Variants in SPPL2B observed in about 807,000 individuals in gnomAD.
SPPL2B encodes the protein signal peptide peptidase-like 2B.
In SPPL2B, 39 loss-of-function variants were observed where a neutral mutation model predicts 59.7. The ratio of observed to expected loss-of-function variants is 0.65; its 90% CI spans 0.51 to 0.85. The LOEUF (loss-of-function observed/expected upper bound fraction) is 0.85. Among genes scored for constraint, SPPL2B ranks in the 40% least tolerant of loss-of-function variants. SPPL2B has a pLI of 0.00. For missense variants in SPPL2B, 865 were observed against 849.0 expected, an observed-to-expected ratio of 1.02 and a Z score of -0.23; for synonymous variants, 419 against 370.8, an observed-to-expected ratio of 1.13 and a Z score of -1.49.
intron 13 of SPPL2B, among the ~76,000 whole-genome samples, chr19:2,347,271 C>T (rs576732217): frequency 1.0e-3 from 137 of 130,586 alleles, no homozygotes; most frequent in Non-Finnish European, 1.7e-3. Context: ...CACACACACT[C>T]ACGCACTCTC....
chr19:2,329,384 G>T (rs1968162934), intron 1 of SPPL2B, among the ~76,000 whole-genome samples: 1 of 152,228 alleles, frequency 6.6e-6, no homozygotes. Context: ...GATTCTGGAG[G>T]TTCTGTCCAG....
intron 14 of SPPL2B, 37 bp downstream of exon 14, chr19:2,351,631 G>A (rs371121810): frequency 1.6e-4 from 257 of 1,581,508 alleles, no homozygotes; most frequent in Non-Finnish European, 1.9e-4. Flanking sequence ...AGAAATACTC[G>A]CCTAGTGAGC....
intron 2 of SPPL2B, among the ~76,000 whole-genome samples, chr19:2,334,960 G>T (rs977246849): frequency 1.3e-5 from 2 of 152,078 alleles, no homozygotes; most frequent in Non-Finnish European, 2.9e-5. Flanking sequence ...AGCTCCATGT[G>T]GTAGATAAGG....
chr19:2,347,286 G>A (rs1263378887), intron 13 of SPPL2B, among the ~76,000 whole-genome samples: 2 of 113,650 alleles, frequency 1.8e-5, no homozygotes, highest in African/African-American at 3.5e-5. Context: ...ACTCTCATTC[G>A]CCTGATTCCG....
intron 1 of SPPL2B, among the ~76,000 whole-genome samples, chr19:2,331,186 T>C (rs909449976): frequency 6.6e-6 from 1 of 151,670 alleles, no homozygotes; most frequent in Non-Finnish European, 1.5e-5. Context: ...CCGGCCCGGC[T>C]CCTGGAACTC....
intron 4 of SPPL2B, 75 bp from the exon 5 acceptor site, chr19:2,338,994 C>T: frequency 6.6e-7 from 1 of 1,514,518 alleles, no homozygotes; most frequent in Non-Finnish European, 8.9e-7. Context: ...CCCAGCCCCA[C>T]AGCCCACAGC....
chr19:2,341,149 C>G (rs1449046057), intron 8 of SPPL2B, 135 bp downstream of exon 8: 1 of 727,878 alleles, frequency 1.4e-6, no homozygotes, highest in Non-Finnish European at 2.4e-6. Context: ...TGATGAAGAG[C>G]CCTGGCCCCG....
chr19:2,351,670 C>G, intron 14 of SPPL2B, 76 bp downstream of exon 14: 1 of 1,535,564 alleles, frequency 6.5e-7, no homozygotes, highest in Non-Finnish European at 8.8e-7. Context: ...TGAGTGAGAC[C>G]TCCAGCCACA....
At chr19:2,352,833 G>A (rs1180918213) in intron 14 of SPPL2B, 113 bp from the exon 15 acceptor site, 10 of 1,175,748 alleles carry the variant, frequency 8.5e-6, no homozygotes, top group East Asian at 5.1e-5. Context: ...TGGGGATGGC[G>A]CCTCATTTTG....
In SPPL2B at chr19:2,345,235, G is replaced by A. The variant is rs769136529; in HGVS notation, c.1277-18G>A. 83 of 1,611,540 alleles carry A rather than the reference G, an allele frequency of 5.2e-5. No individual in the cohort carries two copies. Among genetic ancestry groups the A allele is most frequent in the South Asian group, 1.8e-4 (16 of 91,058 alleles). On this transcript the variant is annotated intron_variant, in intron 12 of 14. Transcript: ENST00000613503. ...GCTCTGCGGGCCCGAGTAAGCCTCC[G>A]CCCTGTGCCTCCCCCAGGGCTGCTG...
rs560284361 is a variant in SPPL2B at position 2,334,563 on chromosome 19, T to A, written c.67-39T>A. The A allele has an allele frequency of 6.2e-5, 99 of 1,588,332 alleles. No homozygotes were observed. The South Asian group carries it at 1.0e-3, about 16-fold the overall frequency. On this transcript the variant is annotated intron_variant, in intron 1 of 14. Coordinates refer to ENST00000613503, the MANE Select transcript of SPPL2B (RefSeq NM_152988.3). ...TCGTGGGGCGGTGCAGCCCCGCACG[T>A]CCCGTGCTGTGGCTCTGACTGCTGG... is the stretch of plus-strand genomic sequence containing the variant.
rs1379666127 is a variant in SPPL2B, at chr19:2,353,961, G to A, written c.*752G>A. ...CCTGCTGGTGCCACCTGGTGGGGTGGACGTCTCTCAGACTGCCCTTCTGAC... is the reference window on the plus strand; with the variant it reads ...CCTGCTGGTGCCACCTGGTGGGGTGAACGTCTCTCAGACTGCCCTTCTGAC... On this transcript the variant is annotated 3_prime_UTR_variant, in exon 15 of 15. Coordinates refer to ENST00000613503, the MANE Select transcript of SPPL2B (RefSeq NM_152988.3). The A allele has an allele frequency of 2.0e-5, 3 of 152,336 alleles. No homozygotes were observed. The highest frequency in any genetic ancestry group is 7.2e-5 in the African/African-American group (3 of 41,472). 9.4% of individuals were successfully genotyped at this position (152,336 alleles called of 1,614,324 possible).
chr19:2,337,003 T>TGTGTGC (rs1180430699), intron 2 of SPPL2B: 1 of 163,184 alleles, frequency 6.1e-6, no homozygotes, highest in African/African-American at 2.4e-5. Context: ...TGTGGGTGTG[T>TGTGTGC]GTGTGCGTGT....
chr19:2,336,145 CCT>C (rs1491200863), intron 2 of SPPL2B, among the ~76,000 whole-genome samples: 1 of 151,994 alleles, frequency 6.6e-6, no homozygotes, highest in Non-Finnish European at 1.5e-5. Context: ...TGTCAGCACA[CCT>C]GTGTGTGTGA....
intron 3 of SPPL2B, 37 bp downstream of exon 3, chr19:2,337,662 A>AT: frequency 6.7e-7 from 1 of 1,498,676 alleles, no homozygotes; most frequent in Non-Finnish European, 8.9e-7. Flanking sequence ...GCCAGCTCTC[A>AT]GGGGCAGGAG....
chr19:2,339,819 C>T lies in SPPL2B; in HGVS notation c.600-5C>T, dbSNP rs368857185. The T allele has an allele frequency of 4.4e-6, 7 of 1,605,230 alleles. No individual in the cohort carries two copies. Among genetic ancestry groups the T allele is most frequent in the Non-Finnish European group, 6.0e-6 (7 of 1,176,182 alleles). On this transcript the variant is annotated splice_region_variant and splice_polypyrimidine_tract_variant and intron_variant, in intron 5 of 14. Transcript: ENST00000613503. ...GGGCCCCACGACCCCATGGTGTCTC[C>T]CAAGAAGGTACATGAAGCACAAGCG...
chr19:2,331,618 G>C (rs1599192236), intron 1 of SPPL2B, among the ~76,000 whole-genome samples: 1 of 152,230 alleles, frequency 6.6e-6, no homozygotes, highest in African/African-American at 2.4e-5. Context: ...AGAGGAAAAT[G>C]CATGAATGTG....
In SPPL2B at chr19:2,340,886, C is replaced by A; in HGVS notation, c.840-12C>A. The A allele has an allele frequency of 6.4e-7, 1 of 1,555,078 alleles. No individual in the cohort carries two copies. The highest frequency in any genetic ancestry group is 8.7e-7 in the Non-Finnish European group (1 of 1,147,844). ...CTGGTGGGCTTGGCTCTGACTGCCC[C>A]GTGCCCCCCAGGATCCCCAACAACA... On this transcript the variant is annotated splice_polypyrimidine_tract_variant and intron_variant, in intron 7 of 14. Transcript: ENST00000613503.
chr19:2,333,291 G>A (rs1968385628), intron 1 of SPPL2B, among the ~76,000 whole-genome samples: 1 of 147,920 alleles, frequency 6.8e-6, no homozygotes, highest in African/African-American at 2.5e-5. Context: ...AGGTGGGGAC[G>A]GCAGGTGCGG....
Sources: gnomAD v4.1 joint callset for allele counts (sites outside exome capture counted in the v4.1 genomes callset) on GRCh38, gnomAD v4.1.1 for gene constraint, MANE v1.5 for transcripts, NCBI Gene and HGNC (gene_info 2026-07-23, HGNC 2026-07-21) for gene names.